PTPRE: variants seen among roughly 807,000 people sequenced by gnomAD.
PTPRE encodes the protein protein tyrosine phosphatase receptor type E.
In PTPRE, 51 loss-of-function variants were observed where a neutral mutation model predicts 102.0. That is an observed-to-expected ratio of 0.50 (90% CI 0.40 to 0.63). The LOEUF (loss-of-function observed/expected upper bound fraction) is 0.63, where lower values mean the gene tolerates loss of function less well. PTPRE is among the 30% of genes least tolerant of loss of function. The pLI is 0.00. For synonymous variants in PTPRE, 345 were observed against 348.2 expected, an observed-to-expected ratio of 0.99 and a Z score of 0.10; for missense variants, 752 against 915.1, an observed-to-expected ratio of 0.82 and a Z score of 2.30.
At chr10:127,951,583 A>C (rs564644609) in intron 1 of PTPRE, among the ~76,000 whole-genome samples, 10 of 152,360 alleles carry the variant, frequency 6.6e-5, no homozygotes, top group Non-Finnish European at 1.5e-4. Flanking sequence ...GACCCCATCC[A>C]GCGGTCATTC....
intron 19 of PTPRE, 83 bp downstream of exon 19, chr10:128,077,866 C>G: frequency 1.4e-6 from 2 of 1,454,982 alleles, no homozygotes; most frequent in Non-Finnish European, 1.8e-6. Context: ...GCAGCAGAGC[C>G]TGGTCGCTGC....
intron 2 of PTPRE, among the ~76,000 whole-genome samples, chr10:128,031,659 G>C (rs1005357842): frequency 1.3e-5 from 2 of 152,242 alleles, no homozygotes; most frequent in African/African-American, 4.8e-5. Context: ...GACTCTGCCA[G>C]ATGACGGGCA....
At chr10:128,073,288 G>C (rs374977889) in intron 16 of PTPRE, 49 bp from the exon 17 acceptor site, 4 of 1,608,294 alleles carry the variant, frequency 2.5e-6, no homozygotes, top group Non-Finnish European at 3.4e-6. Flanking sequence ...AGGTAATGGA[G>C]CCAGGATGGA....
chr10:128,035,814 C>T (rs1847165559), intron 2 of PTPRE, among the ~76,000 whole-genome samples: 1 of 152,158 alleles, frequency 6.6e-6, no homozygotes, highest in Non-Finnish European at 1.5e-5. Context: ...CAGGGATGGC[C>T]CCTTGCCCTC....
chr10:128,022,011 T>A (rs1845927436), intron 2 of PTPRE, among the ~76,000 whole-genome samples: 1 of 152,216 alleles, frequency 6.6e-6, no homozygotes, highest in South Asian at 2.1e-4. Flanking sequence ...TCACTGCGTC[T>A]CCCCTGGACG....
chr10:128,027,447 T>C (rs952367658), intron 2 of PTPRE, among the ~76,000 whole-genome samples: 1 of 152,012 alleles, frequency 6.6e-6, no homozygotes, highest in African/African-American at 2.4e-5. Context: ...AGCTGTAGGT[T>C]AAAGGAGGTG....
At chr10:127,948,991 A>G (rs1052439237) in intron 1 of PTPRE, among the ~76,000 whole-genome samples, 7 of 152,192 alleles carry the variant, frequency 4.6e-5, no homozygotes, top group Non-Finnish European at 7.3e-5. Flanking sequence ...TGGAACTGGG[A>G]TACACCCTGC....
chr10:127,954,631 G>A (rs1221653915), intron 1 of PTPRE, among the ~76,000 whole-genome samples: 1 of 152,144 alleles, frequency 6.6e-6, no homozygotes, highest in African/African-American at 2.4e-5. Flanking sequence ...ACAGTGAAAT[G>A]GCCTTTTGAA....
chr10:128,078,817 G>A lies in PTPRE; in HGVS notation c.1893-743G>A, dbSNP rs542908397. Among the ~76,000 whole-genome samples, 23 of 152,340 alleles carry A rather than the reference G, an allele frequency of 1.5e-4. No homozygotes were observed. In the East Asian group the frequency reaches 4.2e-3, roughly 28 times the overall value. Reference sequence around the variant, plus strand: ...CCACCTGTGAGAACGCAGATGCGGGGCCGATCATTGCGGCAGGACAGGAGC... The same window carrying A: ...CCACCTGTGAGAACGCAGATGCGGGACCGATCATTGCGGCAGGACAGGAGC... On this transcript the variant is annotated intron_variant, in intron 19 of 20. Transcript: ENST00000254667.
At chr10:127,916,124 G>A (rs1846189646) in intron 1 of PTPRE, among the ~76,000 whole-genome samples, 2 of 152,144 alleles carry the variant, frequency 1.3e-5, no homozygotes, top group African/African-American at 4.8e-5. Flanking sequence ...GGGGAGACAT[G>A]GAAGGGCCTC....
At chr10:127,997,490 T>C (rs1249997798) in intron 2 of PTPRE, among the ~76,000 whole-genome samples, 2 of 152,190 alleles carry the variant, frequency 1.3e-5, no homozygotes, top group Non-Finnish European at 2.9e-5. Context: ...AGTACATCCT[T>C]CAGGAAGCCA....
At chr10:127,957,622 G>A (rs914838314) in intron 1 of PTPRE, among the ~76,000 whole-genome samples, 1 of 152,132 alleles carries the variant, frequency 6.6e-6, no homozygotes, top group Non-Finnish European at 1.5e-5. Flanking sequence ...AAGTCTTGGG[G>A]TCAGGTAGTG....
Position 127,951,654 on chromosome 10 carries a change from T to C in PTPRE, c.-30-30620T>C, listed in dbSNP as rs533583626. 6.5e-4 allele frequency among the ~76,000 whole-genome samples: 99 copies of C among 152,342 alleles called. 1 individual carries two copies. The highest frequency in any genetic ancestry group is 3.4e-3 in the Middle Eastern group (1 of 294). ...TCAGCAGCTGGCAGAATCCTCACATTGGCTCCCTGACCTGTGGAGTGAAGG... is the reference window on the plus strand; with the variant it reads ...TCAGCAGCTGGCAGAATCCTCACATCGGCTCCCTGACCTGTGGAGTGAAGG... On this transcript the variant is annotated intron_variant, in intron 1 of 20. Coordinates refer to ENST00000254667, the MANE Select transcript of PTPRE (RefSeq NM_006504.6).
intron 7 of PTPRE, among the ~76,000 whole-genome samples, chr10:128,058,931 C>T (rs1326126329): frequency 1.3e-5 from 2 of 152,186 alleles, no homozygotes; most frequent in East Asian, 3.9e-4. Context: ...GGTCAAGGTG[C>T]TTTGCATGTC....
At chr10:127,967,676 A>G (rs757360692) in intron 1 of PTPRE, among the ~76,000 whole-genome samples, 6 of 152,164 alleles carry the variant, frequency 3.9e-5, no homozygotes, top group Admixed American at 6.5e-5. Context: ...CAGCATCCTT[A>G]CAGAAAAGTC....
chr10:128,021,190 C>T (rs750602494), intron 2 of PTPRE, among the ~76,000 whole-genome samples: 2 of 152,170 alleles, frequency 1.3e-5, no homozygotes, highest in African/African-American at 4.8e-5. Flanking sequence ...CCACCGCGCC[C>T]GGCCGAGTGT....
intron 2 of PTPRE, among the ~76,000 whole-genome samples, 193 bp downstream of exon 2, chr10:127,982,489 C>T (rs1324154222): frequency 2.1e-5 from 3 of 142,594 alleles, no homozygotes; most frequent in Admixed American, 1.4e-4. Flanking sequence ...ACATCATTTG[C>T]GTGTGTGTGT....
intron 1 of PTPRE, among the ~76,000 whole-genome samples, chr10:127,974,184 A>G (rs1850972419): frequency 6.6e-6 from 1 of 152,108 alleles, no homozygotes; most frequent in African/African-American, 2.4e-5. Context: ...CCCACCACAC[A>G]TCCCAGGCTC....
chr10:127,930,704 A>G lies in PTPRE; in HGVS notation c.-31+23395A>G, dbSNP rs149211332. ...AGAAACTTCCCAACTACTTTCTGTC[A>G]TGGGTTCACCATTTGCTTTTCCACC... On this transcript the variant is annotated intron_variant, in intron 1 of 20. Transcript: ENST00000254667. Among the ~76,000 whole-genome samples the G allele has an allele frequency of 2.5e-3, 385 of 152,210 alleles. 2 individuals carry two copies. Among genetic ancestry groups the G allele is most frequent in the African/African-American group, 8.7e-3 (361 of 41,532 alleles).
Sources: allele counts gnomAD v4.1 joint callset (sites outside exome capture counted in the v4.1 genomes callset), GRCh38; gene constraint gnomAD v4.1.1; transcripts MANE v1.5; gene names NCBI Gene and HGNC (gene_info 2026-07-23, HGNC 2026-07-21).